DGKG: variants seen among roughly 807,000 people sequenced by gnomAD.
DGKG encodes the protein diacylglycerol kinase gamma.
Under a neutral mutation model 105.3 loss-of-function variants are expected in DGKG, and 78 were observed. The ratio of observed to expected loss-of-function variants is 0.74; its 90% CI spans 0.62 to 0.89. DGKG has a LOEUF of 0.89. Among genes scored for constraint, DGKG ranks in the 40% least tolerant of loss-of-function variants. The pLI, the probability that DGKG is intolerant of heterozygous loss-of-function variation, is 0.00. For synonymous variants in DGKG, 346 were observed against 367.1 expected, an observed-to-expected ratio of 0.94 and a Z score of 0.66; for missense variants, 958 against 1,020.1, an observed-to-expected ratio of 0.94 and a Z score of 0.83.
chr3:186,300,342 C>T (rs576680499), intron 3 of DGKG, among the ~76,000 whole-genome samples: 19 of 152,340 alleles, frequency 1.2e-4, no homozygotes, highest in African/African-American at 4.6e-4. Context: ...TTAGCCTCCT[C>T]ATCTCCTTAA....
At chr3:186,190,146 T>C (rs1717835403) in intron 21 of DGKG, among the ~76,000 whole-genome samples, 1 of 152,288 alleles carries the variant, frequency 6.6e-6, no homozygotes, top group South Asian at 2.1e-4. Context: ...CAAGTGGAAG[T>C]ACACAGATTT....
chr3:186,197,948 T>C (rs954151187), intron 21 of DGKG, among the ~76,000 whole-genome samples: 2 of 152,196 alleles, frequency 1.3e-5, no homozygotes, highest in Admixed American at 6.5e-5. Flanking sequence ...TGTTTTCTCC[T>C]CTTAAAGGGA....
intron 20 of DGKG, among the ~76,000 whole-genome samples, chr3:186,216,321 C>T (rs922800020): frequency 6.6e-6 from 1 of 152,012 alleles, no homozygotes; most frequent in Non-Finnish European, 1.5e-5. Context: ...ATAGCATCAC[C>T]AAGACCTAAG....
chr3:186,255,125 A>G (rs931214418), intron 17 of DGKG, among the ~76,000 whole-genome samples: 8 of 152,164 alleles, frequency 5.3e-5, no homozygotes, highest in Non-Finnish European at 5.9e-5. Flanking sequence ...CTCTCTTGTA[A>G]TTATCTCCTT....
Position 186,150,143 on chromosome 3 carries a change from G to C in DGKG, c.2323C>G (p.Pro775Ala). 1 of 1,613,714 alleles carries C rather than the reference G, an allele frequency of 6.2e-7. No individual in the cohort carries two copies. Among genetic ancestry groups the C allele is most frequent in the Non-Finnish European group, 8.5e-7 (1 of 1,179,846 alleles). The part of the protein sequence containing the change: ...KNQAPMMMGP[P>A]QKSSFFSLRR... Reference sequence around the variant, plus strand: ...AACGAGAAGAAGCTGCTCTTCTGGGGAGGCCCCATCATCATGGGCGCTTGG... The same window carrying C: ...AACGAGAAGAAGCTGCTCTTCTGGGCAGGCCCCATCATCATGGGCGCTTGG... The change falls in exon 25 of 25, where the codon CCC becomes GCC. Residue 775 changes from proline to alanine, a missense_variant. Around this residue, in one of 2 missense-constraint regions of DGKG, gnomAD observed 315 missense variants for 400.6 expected, o/e 0.79. Transcript: ENST00000265022.
chr3:186,238,263 T>A (rs915508401), intron 20 of DGKG, among the ~76,000 whole-genome samples: 3 of 118,710 alleles, frequency 2.5e-5, no homozygotes, highest in African/African-American at 9.8e-5. Context: ...ACCACTGCAC[T>A]CCAGGCCAGG....
chr3:186,206,383 AAAAAC>A (rs1218231469), intron 21 of DGKG, among the ~76,000 whole-genome samples: 6 of 151,694 alleles, frequency 4.0e-5, no homozygotes, highest in African/African-American at 9.8e-5. Context: ...ACTCTGTCAA[AAAAAC>A]AAAACAAAAC....
At chr3:186,265,355 C>T in intron 13 of DGKG, 49 bp from the exon 14 acceptor site, 2 of 1,559,376 alleles carry the variant, frequency 1.3e-6, no homozygotes, top group Non-Finnish European at 1.8e-6. Flanking sequence ...AGAAGCCTAA[C>T]ACAAAGAAAG....
intron 19 of DGKG, 72 bp from the exon 20 acceptor site, chr3:186,242,640 A>T: frequency 7.5e-7 from 1 of 1,327,894 alleles, no homozygotes; most frequent in Non-Finnish European, 1.0e-6. Flanking sequence ...GAAGGGACGC[A>T]CGCATGCACT....
chr3:186,232,762 A>C (rs2108541881), intron 20 of DGKG, among the ~76,000 whole-genome samples: 1 of 152,360 alleles, frequency 6.6e-6, no homozygotes, highest in South Asian at 2.1e-4. Flanking sequence ...ATGATGAGAA[A>C]AATAATTCCA....
intron 6 of DGKG, among the ~76,000 whole-genome samples, chr3:186,287,902 C>A (rs1578780586): frequency 6.6e-6 from 1 of 152,148 alleles, no homozygotes; most frequent in Admixed American, 6.5e-5. Context: ...ATTTTTTTCC[C>A]CTTACTGTCT....
intron 22 of DGKG, among the ~76,000 whole-genome samples, chr3:186,182,007 ACTTT>A (rs1380960526): frequency 6.6e-6 from 1 of 152,334 alleles, no homozygotes; most frequent in African/African-American, 2.4e-5. Context: ...GCTCCCCAGG[ACTTT>A]GCTCCTCAAC....
Position 186,306,996 on chromosome 3 carries a change from C to T in DGKG, c.68-19G>A, listed in dbSNP as rs1724276019. On this transcript the variant is annotated intron_variant, in intron 2 of 24. Coordinates refer to ENST00000265022, the MANE Select transcript of DGKG (RefSeq NM_001346.3). ...GAGGAATCTGAAGAGACACAATTCA[C>T]ATGTGAAACACTGGCAAATAGCTAA... 6.4e-7 allele frequency: 1 copy of T among 1,553,368 alleles called. No individual in the cohort carries two copies. The highest frequency in any genetic ancestry group is 8.9e-7 in the Non-Finnish European group (1 of 1,125,570).
chr3:186,327,350 T>TCTC (rs529028348), intron 1 of DGKG, among the ~76,000 whole-genome samples: 1,959 of 150,132 alleles, frequency 0.013, 26 homozygotes, highest in South Asian at 0.04. Flanking sequence ...TCCTCCTCCT[T>TCTC]CTCCTCCTCC....
At chr3:186,238,142 G>A (rs1440859261) in intron 20 of DGKG, among the ~76,000 whole-genome samples, 1 of 151,678 alleles carries the variant, frequency 6.6e-6, no homozygotes, top group African/African-American at 2.4e-5. Flanking sequence ...AAAATAGGAA[G>A]AAAAGTTAGC....
chr3:186,216,436 T>C (rs1165485776), intron 20 of DGKG, among the ~76,000 whole-genome samples: 1 of 152,204 alleles, frequency 6.6e-6, no homozygotes, highest in Non-Finnish European at 1.5e-5. Flanking sequence ...TAGAAGTGAA[T>C]GCATTCTATT....
chr3:186,246,182 G>A (rs1270577188), intron 19 of DGKG, among the ~76,000 whole-genome samples: 1 of 152,102 alleles, frequency 6.6e-6, no homozygotes, highest in Non-Finnish European at 1.5e-5. Context: ...ACATTGGCCA[G>A]GCTGGTCTCA....
At chr3:186,315,661 T>TAA (rs201432882) in intron 2 of DGKG, among the ~76,000 whole-genome samples, 5 of 141,156 alleles carry the variant, frequency 3.5e-5, no homozygotes, top group South Asian at 2.3e-4. Context: ...ACAAATGTAG[T>TAA]AAAAAAAAAA....
intron 1 of DGKG, among the ~76,000 whole-genome samples, chr3:186,338,208 T>C (rs918017315): frequency 2.7e-5 from 4 of 148,074 alleles, no homozygotes; most frequent in Non-Finnish European, 5.9e-5. Context: ...AAAAGTAGAA[T>C]GTACATTGGA....
Sources: allele counts gnomAD v4.1 joint callset (sites outside exome capture counted in the v4.1 genomes callset), GRCh38; gene constraint gnomAD v4.1.1; regional missense constraint gnomAD v4.1.1; transcripts MANE v1.5; gene names NCBI Gene and HGNC (gene_info 2026-07-23, HGNC 2026-07-21).